The following TOP1MT variants were observed in gnomAD, a reference collection of about 807,000 sequenced individuals.
TOP1MT encodes DNA topoisomerase I, mitochondrial.
In TOP1MT, 80 loss-of-function variants were observed where a neutral mutation model predicts 73.9. That is an observed-to-expected ratio of 1.08 (90% CI 0.90 to 1.30). The LOEUF is 1.30. TOP1MT is among the 50% of genes most tolerant of loss of function. TOP1MT has a pLI of 0.00. For missense variants in TOP1MT, 815 were observed against 808.0 expected (o/e 1.01, Z -0.10); for synonymous variants, 338 against 326.4 (o/e 1.04, Z -0.38).
Position 143,310,052 on chromosome 8 carries a change from C to T in TOP1MT, c.1703+16G>A, listed in dbSNP as rs953861870. The T allele has an allele frequency of 1.2e-6, 2 of 1,609,966 alleles. No homozygotes were observed. Among genetic ancestry groups the T allele is most frequent in the Admixed American group, 1.7e-5 (1 of 59,972 alleles). ...CATAGGCCACAGGTGGGAACTGAGA[C>T]CCCAGGCACACGCACCAGGCAATGC... On this transcript the variant is annotated intron_variant, in intron 13 of 13. Transcript: ENST00000329245.
At chr8:143,328,532 G>A (rs375930296) in intron 3 of TOP1MT, among the ~76,000 whole-genome samples, 5 of 152,236 alleles carry the variant, frequency 3.3e-5, no homozygotes, top group Non-Finnish European at 5.9e-5. Flanking sequence ...TCGCACCCGC[G>A]GCAGGCGTGT....
intron 1 of TOP1MT, chr8:143,332,372 A>G: frequency 1.3e-6 from 1 of 767,840 alleles, no homozygotes; most frequent in Non-Finnish European, 1.9e-6. Flanking sequence ...CCTCAGTGGG[A>G]GAGGCTTTGG....
At chr8:143,322,342 G>A (rs1586759202) in intron 7 of TOP1MT, among the ~76,000 whole-genome samples, 1 of 62,026 alleles carries the variant, frequency 1.6e-5, no homozygotes, top group Admixed American at 2.2e-4. Flanking sequence ...ACACACACAG[G>A]CACGCCACAC....
chr8:143,345,347 C>T (rs1817202537), upstream of TOP1MT, among the ~76,000 whole-genome samples: 1 of 41,684 alleles, frequency 2.4e-5, no homozygotes, highest in Admixed American at 2.9e-4. Flanking sequence ...CAGGGCATCC[C>T]TGGTGGCTGA....
At chr8:143,314,759 G>A (rs1816106640) in intron 12 of TOP1MT, among the ~76,000 whole-genome samples, 1 of 150,890 alleles carries the variant, frequency 6.6e-6, no homozygotes, top group Admixed American at 6.6e-5. Context: ...AAATACATAA[G>A]AATAGTTATA....
chr8:143,353,238 G>A (rs1467573810), intron 1 of TOP1MT, among the ~76,000 whole-genome samples: 13 of 152,114 alleles, frequency 8.5e-5, no homozygotes, highest in Non-Finnish European at 1.5e-5. Flanking sequence ...AAAATGGGGA[G>A]ACCCCATCTC....
chr8:143,328,397 T>C (rs984260011), intron 3 of TOP1MT: 1 of 411,064 alleles, frequency 2.4e-6, no homozygotes, highest in African/African-American at 2.1e-5. Flanking sequence ...TAGACAAAAG[T>C]TCACGAAAGA....
At chr8:143,333,439 A>G (rs976954639) in intron 1 of TOP1MT, among the ~76,000 whole-genome samples, 1 of 152,150 alleles carries the variant, frequency 6.6e-6, no homozygotes, top group Non-Finnish European at 1.5e-5. Context: ...ACAGGGCAAG[A>G]TTTTGTCTCA....
intron 8 of TOP1MT, 56 bp from the exon 9 acceptor site, chr8:143,318,142 C>T (rs1183207981): frequency 2.6e-6 from 4 of 1,551,464 alleles, no homozygotes; most frequent in Non-Finnish European, 3.6e-6. Context: ...CCAGTGAGGA[C>T]CTGAAGGGCG....
At chr8:143,318,688 C>G (rs1278190422) in intron 8 of TOP1MT, among the ~76,000 whole-genome samples, 2 of 152,172 alleles carry the variant, frequency 1.3e-5, no homozygotes, top group Admixed American at 6.5e-5. Context: ...CTGTGTTGCT[C>G]TCTCCAGCAC....
intron 1 of TOP1MT, among the ~76,000 whole-genome samples, chr8:143,355,002 A>G (rs2467947): frequency 0.027 from 4,136 of 152,322 alleles, 216 homozygotes; most frequent in African/African-American, 0.094. Flanking sequence ...TCACCATAAA[A>G]GTCTCCATTT....
chr8:143,323,080 CCACA>C (rs201594682), intron 7 of TOP1MT, among the ~76,000 whole-genome samples: 8 of 136,738 alleles, frequency 5.9e-5, no homozygotes, highest in Non-Finnish European at 9.4e-5. Flanking sequence ...CACACGCACG[CCACA>C]CACAGGCATG....
chr8:143,323,957 A>G (rs766056085), intron 7 of TOP1MT, 42 bp downstream of exon 7: 19 of 1,605,570 alleles, frequency 1.2e-5, no homozygotes, highest in Non-Finnish European at 1.5e-5. Flanking sequence ...TCGCCAGGAG[A>G]ACCAGGATGA....
chr8:143,332,962 C>A (rs1221547086), intron 1 of TOP1MT, among the ~76,000 whole-genome samples: 1 of 152,198 alleles, frequency 6.6e-6, no homozygotes, highest in Admixed American at 6.5e-5. Context: ...ACCAGCCTCA[C>A]CTTTCTTACA....
chr8:143,318,056 T>C lies in TOP1MT; in HGVS notation c.1177A>G (p.Asn393Asp). 1.2e-6 allele frequency: 2 copies of C among 1,614,018 alleles called. No homozygotes were observed. The highest frequency in any genetic ancestry group is 2.2e-5 in the South Asian group (2 of 91,080). Residue 393 changes from asparagine (N) to aspartate (D), a missense_variant, in exon 9 of 14, where the codon AAC (asparagine) becomes GAC (aspartate). Coordinates refer to ENST00000329245, the MANE Select transcript of TOP1MT (RefSeq NM_052963.3). Reference protein sequence around the residue: ...VYKNLQLFMENKDPRDDLFDR... With the variant: ...VYKNLQLFMEDKDPRDDLFDR... ...AAGAGGTCGTCCCGGGGGTCCTTGT[T>C]CTCCATAAAGAGCTGTAAGTTCTTG...
At position 143,342,330 on chromosome 8, in the gene TOP1MT, G is replaced by GTTA. The variant is rs559697455; in HGVS notation, c.29+887_29+889dup. Among the ~76,000 whole-genome samples, 751 of 120,964 alleles carry GTTA rather than the reference G, an allele frequency of 6.2e-3. 71 individuals are homozygous for GTTA. The highest frequency in any genetic ancestry group is 0.036 in the African/African-American group (693 of 19,110). The allele number at this position is 120,964 out of a possible 152,430, so 79.4% of individuals were successfully genotyped here. A position where few individuals can be genotyped will look rare whatever the true frequency, so the allele number is the denominator to read the frequency against. On this transcript the variant is annotated intron_variant, in intron 2 of 5. Coordinates refer to the TOP1MT transcript ENST00000518007. ...TTATTATTAGAGACAGAGTCTCGCT[G>GTTA]TTATTATTATTATTAGAGACAGAGT...
chr8:143,321,809 CTA>C (rs1178742371), intron 7 of TOP1MT, among the ~76,000 whole-genome samples: 2 of 57,506 alleles, frequency 3.5e-5, no homozygotes, highest in African/African-American at 5.5e-5. Flanking sequence ...CACACGCACG[CTA>C]CACACACACG....
intron 13 of TOP1MT, 41 bp downstream of exon 13, chr8:143,310,027 C>A: frequency 6.2e-7 from 1 of 1,604,100 alleles, no homozygotes; most frequent in South Asian, 1.1e-5. Context: ...CCAGGCCCCC[C>A]ATAGGCCACA....
At chr8:143,329,633 C>A (rs1168903721) in intron 2 of TOP1MT, among the ~76,000 whole-genome samples, 162 bp from the exon 3 acceptor site, 1 of 152,218 alleles carries the variant, frequency 6.6e-6, no homozygotes, top group African/African-American at 2.4e-5. Flanking sequence ...GCATGACACA[C>A]GACAATCAAC....
Sources: gnomAD v4.1 joint callset for allele counts (sites outside exome capture counted in the v4.1 genomes callset) on GRCh38, gnomAD v4.1.1 for gene constraint, MANE v1.5 for transcripts, NCBI Gene and HGNC (gene_info 2026-07-23, HGNC 2026-07-21) for gene names.